Variants in LYPD6B observed in about 807,000 individuals in gnomAD.
LYPD6B encodes LY6/PLAUR domain containing 6B.
LYPD6B carries 17 observed loss-of-function variants against 22.8 expected under a neutral mutation model. That is an observed-to-expected ratio of 0.75 (90% CI 0.51 to 1.12). The LOEUF (loss-of-function observed/expected upper bound fraction) is 1.12. Ranked by LOEUF, LYPD6B falls within the 50% of genes most tolerant of loss-of-function variation. LYPD6B has a pLI of 0.00. For missense variants in LYPD6B, 221 were observed against 258.3 expected (o/e 0.86, Z 0.99); for synonymous variants, 106 against 91.6 (o/e 1.16, Z -0.90).
intron 1 of LYPD6B, among the ~76,000 whole-genome samples, chr2:149,102,962 T>A (rs530618523): frequency 6.6e-6 from 1 of 152,242 alleles, no homozygotes; most frequent in East Asian, 1.9e-4. Flanking sequence ...TGACTCAGGG[T>A]CCTTTTATAT....
chr2:149,107,564 C>T (rs1169565373), intron 1 of LYPD6B, among the ~76,000 whole-genome samples: 3 of 152,168 alleles, frequency 2.0e-5, no homozygotes, highest in Admixed American at 1.3e-4. Flanking sequence ...TCTGATATGA[C>T]ATGTTTTGAT....
chr2:149,199,023 T>G (rs1462005958), intron 3 of LYPD6B, among the ~76,000 whole-genome samples: 1 of 152,198 alleles, frequency 6.6e-6, no homozygotes, highest in East Asian at 1.9e-4. Context: ...CCAGATTTAC[T>G]CCAGCCAGTA....
chr2:149,167,665 T>C (rs1690519776), intron 3 of LYPD6B, among the ~76,000 whole-genome samples: 1 of 152,152 alleles, frequency 6.6e-6, no homozygotes, highest in Admixed American at 6.5e-5. Context: ...GGAGGTTTTA[T>C]TCACCTTATC....
intron 1 of LYPD6B, among the ~76,000 whole-genome samples, chr2:149,040,078 T>A (rs1003321413): frequency 6.6e-6 from 1 of 152,114 alleles, no homozygotes; most frequent in African/African-American, 2.4e-5. Context: ...TGTTTACTGG[T>A]TCTTAGTATG....
At chr2:149,098,765 CTTTTT>C (rs10658424) in intron 1 of LYPD6B, among the ~76,000 whole-genome samples, 2 of 140,116 alleles carry the variant, frequency 1.4e-5, no homozygotes, top group Non-Finnish European at 3.1e-5. Context: ...TGTGCTTTTT[CTTTTT>C]TTTTTTTTTT....
At chr2:149,197,373 G>A (rs1311697653) in intron 3 of LYPD6B, among the ~76,000 whole-genome samples, 3 of 152,150 alleles carry the variant, frequency 2.0e-5, no homozygotes, top group South Asian at 2.1e-4. Flanking sequence ...TTAGCTGAGC[G>A]TGGTGGCACA....
At chr2:149,150,614 T>C (rs1294754901) in intron 2 of LYPD6B, among the ~76,000 whole-genome samples, 1 of 152,182 alleles carries the variant, frequency 6.6e-6, no homozygotes, top group African/African-American at 2.4e-5. Context: ...CCAGAAACTT[T>C]TAGCATTTTC....
At chr2:149,206,287 A>C in intron 4 of LYPD6B, 4 of 206,620 alleles carry the variant, frequency 1.9e-5, no homozygotes, top group East Asian at 1.2e-4. Flanking sequence ...AGGTGTGAGA[A>C]CCCCCTCTTC....
intron 2 of LYPD6B, among the ~76,000 whole-genome samples, chr2:149,159,653 G>A (rs1472648330): frequency 6.6e-6 from 1 of 151,458 alleles, no homozygotes; most frequent in Non-Finnish European, 1.5e-5. Context: ...GTAGGGGCAA[G>A]GGGATTTATT....
intron 5 of LYPD6B, among the ~76,000 whole-genome samples, chr2:149,212,417 T>C (rs1337532007): frequency 7.1e-6 from 1 of 140,404 alleles, no homozygotes; most frequent in African/African-American, 2.7e-5. Context: ...AATTATTAGG[T>C]TGGTGCAAAA....
rs746439801 is a variant in LYPD6B at position 149,205,253 on chromosome 2, A to T, written c.78A>T (p.Arg26Ser). ...GAACCAGTGTGTCTTTTCACCATAG[A>T]TATAAGAGTTCGGACCGCCCAGCAC... ...RSLTTTFSFS[R>S]YKSSDRPAHK... The change falls in exon 4 of 7, where the codon AGA becomes AGT. Residue 26 changes from arginine to serine, a missense_variant and splice_region_variant. Arg to Ser is a moderately radical substitution (Grantham distance 110, BLOSUM62 -1). Transcript: ENST00000409642. 5 of 1,608,978 alleles carry T rather than the reference A, an allele frequency of 3.1e-6. No individual in the cohort carries two copies. Among genetic ancestry groups the T allele is most frequent in the Non-Finnish European group, 3.4e-6 (4 of 1,178,490 alleles).
rs200369208 is a variant in LYPD6B at position 149,195,789 on chromosome 2, AATAG to A, written c.78-9459_78-9456del. On this transcript the variant is annotated intron_variant, in intron 3 of 6. Transcript: ENST00000409642. ...GATTTAATAATTTGACAAAAATGGA[AATAG>A]ATAGGGGCTTATTTTTTATTCTCCT... 8.1e-3 allele frequency among the ~76,000 whole-genome samples: 1,235 copies of A among 152,338 alleles called. 55 individuals are homozygous for A. The highest frequency in any genetic ancestry group is 0.076 in the Admixed American group (1,163 of 15,294).
intron 1 of LYPD6B, among the ~76,000 whole-genome samples, chr2:149,125,283 C>T (rs1401618607): frequency 6.6e-6 from 1 of 152,128 alleles, no homozygotes; most frequent in Non-Finnish European, 1.5e-5. Context: ...CAAACAAAGC[C>T]ACACCTGGCC....
At chr2:149,125,514 C>T (rs1687650030) in intron 1 of LYPD6B, among the ~76,000 whole-genome samples, 1 of 152,038 alleles carries the variant, frequency 6.6e-6, no homozygotes, top group African/African-American at 2.4e-5. Flanking sequence ...ACAGGCTTGG[C>T]TGGAGTGGAT....
chr2:149,199,198 C>A (rs530974269), intron 3 of LYPD6B, among the ~76,000 whole-genome samples: 16 of 152,224 alleles, frequency 1.1e-4, no homozygotes, highest in African/African-American at 3.9e-4. Context: ...GTGCTCAATC[C>A]ACACCACAAC....
At chr2:149,203,899 C>G (rs1693331609) in intron 3 of LYPD6B, among the ~76,000 whole-genome samples, 1 of 152,150 alleles carries the variant, frequency 6.6e-6, no homozygotes, top group Non-Finnish European at 1.5e-5. Flanking sequence ...AGTATACCCA[C>G]AATAAGAGAG....
chr2:149,203,228 C>T (rs1693285018), intron 3 of LYPD6B, among the ~76,000 whole-genome samples: 1 of 152,132 alleles, frequency 6.6e-6, no homozygotes, highest in African/African-American at 2.4e-5. Flanking sequence ...TGTCTAAGGT[C>T]CCATAGTTGC....
At chr2:149,134,756 T>C (rs1688254346) in intron 2 of LYPD6B, among the ~76,000 whole-genome samples, 1 of 152,194 alleles carries the variant, frequency 6.6e-6, no homozygotes, top group South Asian at 2.1e-4. Context: ...TGAGACCACG[T>C]AGTCAATCTG....
intron 1 of LYPD6B, among the ~76,000 whole-genome samples, chr2:149,067,454 A>G (rs1170740963): frequency 6.6e-6 from 1 of 152,122 alleles, no homozygotes; most frequent in Non-Finnish European, 1.5e-5. Flanking sequence ...GAAAACACAG[A>G]AAAGTGAAAA....
Sources: allele counts gnomAD v4.1 joint callset (sites outside exome capture counted in the v4.1 genomes callset), GRCh38; gene constraint gnomAD v4.1.1; transcripts MANE v1.5; gene names NCBI Gene and HGNC (gene_info 2026-07-23, HGNC 2026-07-21).